The following IL32 variants were observed in gnomAD, a reference collection of about 807,000 sequenced individuals.
IL32 encodes interleukin 32.
In IL32, 30 loss-of-function variants were observed where a neutral mutation model predicts 16.6. The observed-to-expected ratio is 1.81, with a 90% CI of 1.35 to 2.45. The LOEUF is 2.45. IL32 is among the 30% of genes most tolerant of loss of function. The pLI is 0.00. For synonymous variants in IL32, 70 were observed against 86.1 expected (o/e 0.81, Z 1.03); for missense variants, 234 against 229.8 (o/e 1.02, Z -0.12).
intron 6 of IL32, 119 bp downstream of exon 6, chr16:3,068,358 T>C: frequency 1.1e-6 from 1 of 915,192 alleles, no homozygotes; most frequent in East Asian, 2.7e-5. Context: ...CAGGCTGGAG[T>C]GCAGTGGCAT....
chr16:3,067,636 A>G (rs772859719), intron 4 of IL32, 23 bp downstream of exon 4: 1 of 1,553,478 alleles, frequency 6.4e-7, no homozygotes, highest in Admixed American at 1.7e-5. Context: ...CCCCTCAGGC[A>G]CCAGGTCACA....
chr16:3,065,564 G>C (rs1956223044), upstream of IL32: 1 of 606,268 alleles, frequency 1.6e-6, no homozygotes, highest in African/African-American at 1.9e-5. Flanking sequence ...ACTCAGCAAG[G>C]CCTCCTGCCC....
chr16:3,068,537 T>C (rs912413719), intron 6 of IL32: 13 of 440,788 alleles, frequency 2.9e-5, no homozygotes, highest in Middle Eastern at 6.8e-4. Context: ...GGTCTTGAAC[T>C]CCTAACCTTG....
At chr16:3,067,815 AG>A (rs1956566801) in intron 4 of IL32, 168 bp from the exon 5 acceptor site, 5 of 868,200 alleles carry the variant, frequency 5.8e-6, no homozygotes. Context: ...GAGGCATCCA[AG>A]CCCCAGGGCT....
chr16:3,065,748 C>G (rs1392795783), intron 1 of IL32, 36 bp from the exon 2 acceptor site: 34 of 1,607,148 alleles, frequency 2.1e-5, no homozygotes, highest in Non-Finnish European at 2.7e-5. Flanking sequence ...TTCTCTGAGA[C>G]ACTTTCTTTT....
intron 6 of IL32, chr16:3,068,668 G>C (rs1956710603): frequency 2.3e-6 from 1 of 439,074 alleles, no homozygotes; most frequent in African/African-American, 2.0e-5. Flanking sequence ...CTGAGCTTGG[G>C]GTGGAGGGCT....
intron 6 of IL32, chr16:3,068,444 T>G (rs1956682195): frequency 3.5e-6 from 2 of 577,434 alleles, no homozygotes; most frequent in Non-Finnish European, 6.2e-6. Context: ...TAGTTGGGAC[T>G]ACAGGCACCC....
chr16:3,067,416 G>GTAATGCTCTTCCCTACTTCT lies in IL32; in HGVS notation c.54+9_54+10insTTCCCTACTTCTTAATGCTC, dbSNP rs1567142932. The stretch of plus-strand genomic sequence containing the variant: ...CATGAAGAAGCTGAAGGCCCGAATG[G>GTAATGCTCTTCCCTACTTCT]TAATGCTCCTCCCTACTTCTGCTCA... On this transcript the variant is annotated splice_donor_variant, in intron 3 of 6. Coordinates refer to ENST00000525643, the MANE Select transcript of IL32 (RefSeq NM_001376923.1). LOFTEE classifies it high-confidence loss of function. 1 of 1,589,120 alleles carries GTAATGCTCTTCCCTACTTCT rather than the reference G, an allele frequency of 6.3e-7. No individual in the cohort carries two copies. The highest frequency in any genetic ancestry group is 1.4e-5 in the African/African-American group (1 of 74,000).
Position 3,069,253 on chromosome 16 carries a change from G to C in IL32, c.465G>C (p.Leu155=). The C allele has an allele frequency of 6.2e-7, 1 of 1,614,278 alleles. No individual in the cohort carries two copies. Among genetic ancestry groups the C allele is most frequent in the Non-Finnish European group, 8.5e-7 (1 of 1,180,056 alleles). The part of the protein sequence containing the change: ...WKQFQSFCCS[L]SELFMSSFQS... ...AGTTCCAGAGTTTCTGCTGCTCTCT[G>C]TCAGAGCTCTTCATGTCCTCTTTCC... Residue 155 remains leucine (L), a synonymous_variant, in exon 7 of 7, where the codon CTG becomes CTC. Transcript: ENST00000525643.
rs1567137479 is a variant in IL32 at position 3,065,841 on chromosome 16, G to C, written c.15+15G>C. Reference sequence around the variant, plus strand: ...GCTTCCCGAAGGTGAGTGAGAGGCTGCGTGTGCTTTTGTGGGCATGTCTGA... The same window carrying C: ...GCTTCCCGAAGGTGAGTGAGAGGCTCCGTGTGCTTTTGTGGGCATGTCTGA... On this transcript the variant is annotated intron_variant, in intron 2 of 6. Transcript: ENST00000525643. The C allele has an allele frequency of 6.2e-7, 1 of 1,614,090 alleles. No individual in the cohort carries two copies. The highest frequency in any genetic ancestry group is 1.3e-5 in the African/African-American group (1 of 75,066).
In IL32 at chr16:3,069,297, G is replaced by A. The variant is rs531600758; in HGVS notation, c.509G>A (p.Arg170Gln). The change falls in exon 7 of 7, where the codon CGG (arginine) becomes CAG (glutamine). Residue 170 changes from arginine to glutamine, a missense_variant. Physicochemically the swap from Arg to Gln is conservative, Grantham distance 43. This residue lies in a region of IL32 where 53 missense variants were observed against 46.1 expected (regional missense o/e 1.15). Coordinates refer to ENST00000525643, the MANE Select transcript of IL32 (RefSeq NM_001376923.1). ...MSSFQSYGAPRGDKEELTPQK... is the reference protein window; with the variant it reads ...MSSFQSYGAPQGDKEELTPQK... ...TCTTTCCAGTCCTACGGAGCCCCAC[G>A]GGGGGACAAGGAGGAGCTGACACCC... 2.2e-4 allele frequency: 328 copies of A among 1,510,488 alleles called. No individual in the cohort carries two copies. In the South Asian group the frequency reaches 3.4e-3, roughly 15 times the overall value. The allele number at this position is 1,510,488 out of a possible 1,614,324, so 93.6% of individuals were successfully genotyped here. A position where few individuals can be genotyped will look rare whatever the true frequency, so the allele number is the denominator to read the frequency against.
intron 2 of IL32, among the ~76,000 whole-genome samples, chr16:3,066,215 T>G (rs1956288909): frequency 6.6e-6 from 1 of 152,032 alleles, no homozygotes; most frequent in Admixed American, 6.5e-5. Context: ...CTGGGTTCCC[T>G]CCGACCTCCC....
At chr16:3,067,654 G>GC in intron 4 of IL32, 41 bp downstream of exon 4, 1 of 1,430,094 alleles carries the variant, frequency 7.0e-7, no homozygotes. Flanking sequence ...ACATGTCCCC[G>GC]CCCCCAGGCA....
At chr16:3,065,861 G>A in intron 2 of IL32, 35 bp downstream of exon 2, 1 of 1,613,852 alleles carries the variant, frequency 6.2e-7, no homozygotes, top group Non-Finnish European at 8.5e-7. Flanking sequence ...TTGTGGGCAT[G>A]TCTGAAAACA....
chr16:3,066,327 G>C (rs1278878537), intron 2 of IL32, among the ~76,000 whole-genome samples: 1 of 152,234 alleles, frequency 6.6e-6, no homozygotes, highest in Non-Finnish European at 1.5e-5. Context: ...GCCTGGCTCA[G>C]GTTCAGGACA....
At chr16:3,067,834 G>A (rs905011735) in intron 4 of IL32, 150 bp from the exon 5 acceptor site, 4 of 974,912 alleles carry the variant, frequency 4.1e-6, no homozygotes, top group Admixed American at 2.0e-5. Flanking sequence ...GCTCCTTGAG[G>A]AAACAACAGG....
chr16:3,067,896 G>C (rs1447091237), intron 4 of IL32, 88 bp from the exon 5 acceptor site: 31 of 1,461,126 alleles, frequency 2.1e-5, no homozygotes, highest in Admixed American at 6.7e-5. Flanking sequence ...GGGTGTGTGG[G>C]AGCTGAGGAC....
chr16:3,068,075 G>C, intron 5 of IL32, 65 bp downstream of exon 5: 1 of 1,609,472 alleles, frequency 6.2e-7, no homozygotes. Context: ...AGGACACTGG[G>C]TCTGGGCCCC....
chr16:3,067,704 G>A (rs772745333), intron 4 of IL32, 91 bp downstream of exon 4: 1 of 1,034,506 alleles, frequency 9.7e-7, no homozygotes, highest in South Asian at 1.4e-5. Context: ...AGGATGAAGA[G>A]GGACCCACAG....
Sources: gnomAD v4.1 joint callset for allele counts (sites outside exome capture counted in the v4.1 genomes callset) on GRCh38, gnomAD v4.1.1 for gene constraint, gnomAD v4.1.1 regional missense constraint, MANE v1.5 for transcripts, NCBI Gene and HGNC (gene_info 2026-07-23, HGNC 2026-07-21) for gene names.